SYT1: variants seen among roughly 807,000 people sequenced by gnomAD.
SYT1 encodes synaptotagmin 1.
SYT1 carries 8 observed loss-of-function variants against 44.8 expected under a neutral mutation model. That is an observed-to-expected ratio of 0.18 (90% confidence interval 0.10 to 0.32). The LOEUF (loss-of-function observed/expected upper bound fraction) is 0.32. Among genes scored for constraint, SYT1 ranks in the 10% least tolerant of loss-of-function variants. SYT1 has a pLI of 1.00. For synonymous variants in SYT1, 154 were observed against 188.8 expected (o/e 0.82, Z 1.51); for missense variants, 286 against 509.3 (o/e 0.56, Z 4.22).
At chr12:79,241,694 G>A (rs1427219464) in intron 4 of SYT1, among the ~76,000 whole-genome samples, 1 of 152,216 alleles carries the variant, frequency 6.6e-6, no homozygotes, top group Non-Finnish European at 1.5e-5. Flanking sequence ...AATTAGAAAT[G>A]TATTTTTTAA....
intron 9 of SYT1, among the ~76,000 whole-genome samples, chr12:79,361,253 G>C (rs559349940): frequency 1.3e-5 from 2 of 152,154 alleles, no homozygotes; most frequent in South Asian, 2.1e-4. Flanking sequence ...CTATGAGGTA[G>C]ATACTATTTT....
chr12:79,185,890 G>C (rs934574149), intron 3 of SYT1, among the ~76,000 whole-genome samples: 4 of 79,902 alleles, frequency 5.0e-5, no homozygotes, highest in African/African-American at 2.0e-4. Flanking sequence ...AACATTTTTG[G>C]CCAAAAAAAT....
In SYT1 at chr12:79,301,899, T is replaced by C. The variant is rs140276516; in HGVS notation, c.810+2348T>C. 5.9e-3 allele frequency among the ~76,000 whole-genome samples: 896 copies of C among 152,286 alleles called. 2 individuals carry two copies. Among genetic ancestry groups the C allele is most frequent in the Non-Finnish European group, 9.4e-3 (640 of 68,022 alleles). ...TATCAAGGTATAGGTTATAAAAAAC[T>C]GTATAAGACAGATGTCTAGCTTACA... On this transcript the variant is annotated intron_variant, in intron 8 of 10. Coordinates refer to ENST00000261205, the MANE Select transcript of SYT1 (RefSeq NM_005639.3).
chr12:78,947,418 T>C (rs1878721368), intron 1 of SYT1, among the ~76,000 whole-genome samples: 2 of 151,782 alleles, frequency 1.3e-5, no homozygotes, highest in Admixed American at 1.3e-4. Context: ...GGGGCTCCTC[T>C]AAAGCCAAAC....
rs182648943 is a variant in SYT1, at chr12:79,352,034, T to C, written c.811-1468T>C. Among the ~76,000 whole-genome samples, 228 of 152,214 alleles carry C rather than the reference T, an allele frequency of 1.5e-3. 3 individuals are homozygous for C. The highest frequency in any genetic ancestry group is 2.3e-3 in the East Asian group (12 of 5,174). On this transcript the variant is annotated intron_variant, in intron 8 of 10. Coordinates refer to ENST00000261205, the MANE Select transcript of SYT1 (RefSeq NM_005639.3). ...TATGGGGACTCAAGAAATGAAACACTTGGAGCCATAAACATATTTGGTGAT... is the reference window on the plus strand; with the variant it reads ...TATGGGGACTCAAGAAATGAAACACCTGGAGCCATAAACATATTTGGTGAT...
intron 1 of SYT1, among the ~76,000 whole-genome samples, chr12:78,903,349 G>A (rs972541969): frequency 4.0e-5 from 6 of 151,742 alleles, no homozygotes; most frequent in East Asian, 3.9e-4. Context: ...ACAGTGGCAC[G>A]ATCTTGGCTC....
chr12:79,340,795 G>T (rs1356135425), intron 8 of SYT1, among the ~76,000 whole-genome samples: 1 of 152,114 alleles, frequency 6.6e-6, no homozygotes, highest in Non-Finnish European at 1.5e-5. Context: ...TTAGCTAAAG[G>T]TAATAAATGG....
chr12:78,927,907 T>C (rs1298791095), intron 1 of SYT1, among the ~76,000 whole-genome samples: 1 of 152,268 alleles, frequency 6.6e-6, no homozygotes, highest in African/African-American at 2.4e-5. Context: ...CTACTAATTT[T>C]CCCTATGCTT....
intron 3 of SYT1, among the ~76,000 whole-genome samples, chr12:79,101,606 G>A (rs1460195384): frequency 6.6e-6 from 1 of 152,134 alleles, no homozygotes; most frequent in Non-Finnish European, 1.5e-5. Flanking sequence ...AAATAGTCAA[G>A]TTTGTGTTAT....
chr12:79,159,463 T>C (rs1383298034), intron 3 of SYT1, among the ~76,000 whole-genome samples: 4 of 152,154 alleles, frequency 2.6e-5, no homozygotes, highest in Non-Finnish European at 5.9e-5. Flanking sequence ...TATTACAGTA[T>C]TTTGAGACAG....
At chr12:79,349,545 C>G (rs1325194854) in intron 8 of SYT1, among the ~76,000 whole-genome samples, 1 of 152,108 alleles carries the variant, frequency 6.6e-6, no homozygotes, top group African/African-American at 2.4e-5. Flanking sequence ...GTAACCTACA[C>G]CCTCTCAGTC....
intron 1 of SYT1, among the ~76,000 whole-genome samples, chr12:78,951,188 G>A (rs1159277447): frequency 6.6e-6 from 1 of 152,034 alleles, no homozygotes; most frequent in Non-Finnish European, 1.5e-5. Flanking sequence ...ATCCTTACTT[G>A]TAACTTTTTA....
rs150167379 is a variant in SYT1 at position 79,218,189 on chromosome 12, A to G, written c.166+504A>G. Among the ~76,000 whole-genome samples the G allele has an allele frequency of 4.4e-3, 663 of 152,180 alleles. 3 individuals are homozygous for G. Among genetic ancestry groups the G allele is most frequent in the African/African-American group, 0.014 (585 of 41,522 alleles). On this transcript the variant is annotated intron_variant, in intron 4 of 10. Coordinates refer to ENST00000261205, the MANE Select transcript of SYT1 (RefSeq NM_005639.3). ...AAAAACTGCACCTAAGTTTATTTGG[A>G]TAAGTATAGCACTAAGTCTAATCAG...
intron 9 of SYT1, among the ~76,000 whole-genome samples, chr12:79,372,811 C>T (rs901549948): frequency 2.0e-5 from 3 of 152,166 alleles, no homozygotes; most frequent in African/African-American, 7.2e-5. Flanking sequence ...TCCCTCCCCT[C>T]TCTTCTTATC....
chr12:79,038,655 G>C (rs756864085), intron 2 of SYT1, among the ~76,000 whole-genome samples: 2 of 151,806 alleles, frequency 1.3e-5, no homozygotes, highest in Non-Finnish European at 2.9e-5. Flanking sequence ...CAATGGGAGA[G>C]GGTCCAAGAC....
At chr12:78,906,481 T>C (rs922120434) in intron 1 of SYT1, among the ~76,000 whole-genome samples, 1 of 152,048 alleles carries the variant, frequency 6.6e-6, no homozygotes, top group African/African-American at 2.4e-5. Context: ...TGTACTAAGT[T>C]GTAAAATATT....
chr12:79,362,830 C>T (rs1481725879), intron 9 of SYT1, among the ~76,000 whole-genome samples: 2 of 152,196 alleles, frequency 1.3e-5, no homozygotes, highest in Non-Finnish European at 2.9e-5. Context: ...CACCTTTCTA[C>T]TCAAAAATTC....
intron 1 of SYT1, among the ~76,000 whole-genome samples, chr12:78,968,749 C>T (rs1409370684): frequency 6.6e-6 from 1 of 151,982 alleles, no homozygotes; most frequent in East Asian, 1.9e-4. Context: ...GGGACCATGC[C>T]AAAGTAGGGT....
In SYT1 at chr12:78,877,803, A is replaced by AT. The variant is rs560389811; in HGVS notation, c.-217+12700dup. ...ACCACCACGCCTGGCTAATTTTTGT[A>AT]TTTTTTGTAGAGACAGGGTCTCACT... On this transcript the variant is annotated intron_variant, in intron 1 of 10. Transcript: ENST00000261205. Among the ~76,000 whole-genome samples the AT allele has an allele frequency of 2.6e-3, 395 of 151,654 alleles. 4 individuals carry two copies. Among genetic ancestry groups the AT allele is most frequent in the African/African-American group, 9.2e-3 (383 of 41,412 alleles).
Sources: allele counts gnomAD v4.1 joint callset (sites outside exome capture counted in the v4.1 genomes callset), GRCh38; gene constraint gnomAD v4.1.1; transcripts MANE v1.5; gene names NCBI Gene and HGNC (gene_info 2026-07-23, HGNC 2026-07-21).